Variants in LEF1 observed in about 807,000 individuals in gnomAD.
LEF1 encodes the protein lymphoid enhancer binding factor 1, also known as lymphoid enhancer-binding factor 1.
In LEF1, 14 loss-of-function variants were observed where a neutral mutation model predicts 51.2. The observed-to-expected ratio is 0.27, with a 90% CI of 0.18 to 0.43. The LOEUF is 0.43. Among genes scored for constraint, LEF1 ranks in the 20% least tolerant of loss-of-function variants. The pLI is 1.00. For missense variants in LEF1, 386 were observed against 512.0 expected (o/e 0.75, Z 2.37); for synonymous variants, 185 against 183.2 (o/e 1.01, Z -0.08).
rs1189130182 is a variant in LEF1, at chr4:108,149,599, G to GTATATATGTACATATATATACATGTGTA, written c.414+13941_414+13968dup. On this transcript the variant is annotated intron_variant, in intron 3 of 11. Transcript: ENST00000265165. ...AATTAAAGTGTGTATATATTTGTGT[G>GTATATATGTACATATATATACATGTGTA]TATATATGTACATATATATACATGT... 4.7e-5 allele frequency among the ~76,000 whole-genome samples: 7 copies of GTATATATGTACATATATATACATGTGTA among 148,992 alleles called. No homozygotes were observed. The South Asian group carries it at 6.3e-4, about 13-fold the overall frequency.
intron 3 of LEF1, among the ~76,000 whole-genome samples, chr4:108,144,056 T>C (rs1021590249): frequency 3.3e-5 from 5 of 151,498 alleles, no homozygotes; most frequent in Non-Finnish European, 5.9e-5. Flanking sequence ...GCCTCAGAGG[T>C]GAGGAGTGGG....
intron 3 of LEF1, among the ~76,000 whole-genome samples, chr4:108,091,791 G>A (rs528609476): frequency 6.6e-6 from 1 of 152,136 alleles, no homozygotes; most frequent in East Asian, 1.9e-4. Context: ...GTAGATGTGA[G>A]GATAGGAGGA....
At chr4:108,126,883 G>A (rs1233640096) in intron 3 of LEF1, among the ~76,000 whole-genome samples, 1 of 150,832 alleles carries the variant, frequency 6.6e-6, no homozygotes, top group Admixed American at 6.6e-5. Flanking sequence ...GTGTGTGTGT[G>A]TGTGTGTGTG....
chr4:108,050,339 G>A (rs1286236982), intron 11 of LEF1, among the ~76,000 whole-genome samples: 2 of 152,180 alleles, frequency 1.3e-5, no homozygotes, highest in African/African-American at 2.4e-5. Flanking sequence ...CAAGAAGACT[G>A]GTGGAGCCGG....
At chr4:108,087,776 T>C (rs1263815855) in intron 4 of LEF1, among the ~76,000 whole-genome samples, 1 of 152,076 alleles carries the variant, frequency 6.6e-6, no homozygotes, top group East Asian at 1.9e-4. Flanking sequence ...GACCCACAGG[T>C]TTCAGTGGCC....
chr4:108,056,989 C>T (rs1254233977), intron 11 of LEF1, among the ~76,000 whole-genome samples: 1 of 151,886 alleles, frequency 6.6e-6, no homozygotes, highest in East Asian at 1.9e-4. Context: ...GAGGTGCCGA[C>T]CTGTGGCCAA....
At chr4:108,062,170 T>A (rs1737739773) in intron 11 of LEF1, among the ~76,000 whole-genome samples, 1 of 152,172 alleles carries the variant, frequency 6.6e-6, no homozygotes, top group Non-Finnish European at 1.5e-5. Context: ...ATCAACTGAT[T>A]TAAAATTCAG....
chr4:108,064,572 A>G (rs1269452182), intron 9 of LEF1, among the ~76,000 whole-genome samples, 188 bp from the exon 10 acceptor site: 1 of 151,896 alleles, frequency 6.6e-6, no homozygotes, highest in Admixed American at 6.6e-5. Context: ...TGACCTGGTG[A>G]CCTTTGTCTC....
chr4:108,166,926 G>C, intron 1 of LEF1: 1 of 619,176 alleles, frequency 1.6e-6, no homozygotes, highest in African/African-American at 2.0e-5. Context: ...CCAGGCGCTG[G>C]GGCCGCAGGG....
In LEF1 at chr4:108,097,280, T is replaced by G. The variant is rs147439744; in HGVS notation, c.415-8023A>C. 6.9e-4 allele frequency among the ~76,000 whole-genome samples: 105 copies of G among 152,312 alleles called. 3 individuals carry two copies. The East Asian group carries it at 0.02, about 29-fold the overall frequency. Reference sequence around the variant, plus strand: ...ACAAAACAGAGTGACATCTTTGCATTTGCAACAACATGGATGGAACTGGAT... The same window carrying G: ...ACAAAACAGAGTGACATCTTTGCATGTGCAACAACATGGATGGAACTGGAT... On this transcript the variant is annotated intron_variant, in intron 3 of 11. Coordinates refer to ENST00000265165, the MANE Select transcript of LEF1 (RefSeq NM_016269.5).
chr4:108,073,204 G>A (rs1738610115), intron 8 of LEF1, among the ~76,000 whole-genome samples: 1 of 152,176 alleles, frequency 6.6e-6, no homozygotes, highest in Admixed American at 6.5e-5. Flanking sequence ...TGGCAAACAT[G>A]GCAAAATCCT....
chr4:108,152,244 G>C (rs1744400033), intron 3 of LEF1, among the ~76,000 whole-genome samples: 1 of 152,212 alleles, frequency 6.6e-6, no homozygotes, highest in African/African-American at 2.4e-5. Context: ...ATTTCAGCGA[G>C]AGCAAGCTAT....
At chr4:108,075,005 C>T (rs942249633) in intron 8 of LEF1, among the ~76,000 whole-genome samples, 1 of 137,958 alleles carries the variant, frequency 7.2e-6, no homozygotes, top group Non-Finnish European at 1.5e-5. Flanking sequence ...TTCTTTTCCT[C>T]TGATTTCTTC....
intron 3 of LEF1, among the ~76,000 whole-genome samples, chr4:108,124,144 T>C (rs1230215621): frequency 6.6e-6 from 1 of 152,014 alleles, no homozygotes; most frequent in Non-Finnish European, 1.5e-5. Context: ...CCTTAAAAAA[T>C]TAAAAACAAA....
intron 8 of LEF1, among the ~76,000 whole-genome samples, chr4:108,075,980 C>T (rs1050890340): frequency 6.6e-6 from 1 of 151,510 alleles, no homozygotes; most frequent in Non-Finnish European, 1.5e-5. Flanking sequence ...GGAGTGGCCA[C>T]CTCTGTTTGC....
At chr4:108,138,182 T>C (rs758740765) in intron 3 of LEF1, among the ~76,000 whole-genome samples, 19 of 152,162 alleles carry the variant, frequency 1.2e-4, no homozygotes, top group Non-Finnish European at 2.4e-4. Context: ...AATGTGGAAT[T>C]TCGAATATCA....
At chr4:108,126,486 T>G (rs1030547028) in intron 3 of LEF1, among the ~76,000 whole-genome samples, 2 of 152,176 alleles carry the variant, frequency 1.3e-5, no homozygotes, top group African/African-American at 4.8e-5. Context: ...CCTGATTTTT[T>G]TATTCTTTTT....
At chr4:108,080,814 A>G (rs1739234663) in intron 6 of LEF1, among the ~76,000 whole-genome samples, 1 of 152,232 alleles carries the variant, frequency 6.6e-6, no homozygotes, top group Admixed American at 6.5e-5. Flanking sequence ...ACATATTCAC[A>G]ACCAGTTAAT....
chr4:108,070,875 T>C lies in LEF1; in HGVS notation c.1009-105A>G, dbSNP rs1490212488. On this transcript the variant is annotated intron_variant, in intron 8 of 11. Coordinates refer to ENST00000265165, the MANE Select transcript of LEF1 (RefSeq NM_016269.5). The stretch of plus-strand genomic sequence containing the variant: ...ATGAAAATATTAAGCATTTAAACTT[T>C]GATTTATTTTTAAATTGCAGAAGAC... The C allele has an allele frequency of 2.3e-5, 18 of 790,606 alleles. No homozygotes were observed. In the South Asian group the frequency reaches 2.7e-4, roughly 12 times the overall value. The allele number at this position is 790,606 out of a possible 1,614,324, so 49.0% of individuals were successfully genotyped here.
Sources: gnomAD v4.1 joint callset for allele counts (sites outside exome capture counted in the v4.1 genomes callset) on GRCh38, gnomAD v4.1.1 for gene constraint, MANE v1.5 for transcripts, NCBI Gene and HGNC (gene_info 2026-07-23, HGNC 2026-07-21) for gene names.